The following GAB2 variants were observed in gnomAD, a reference collection of about 807,000 sequenced individuals.
GAB2 encodes the protein GRB2-associated-binding protein 2.
In GAB2, 26 loss-of-function variants were observed where a neutral mutation model predicts 65.5. That is an observed-to-expected ratio of 0.40 (90% CI 0.29 to 0.55). The LOEUF (loss-of-function observed/expected upper bound fraction) is 0.55, where lower values mean the gene tolerates loss of function less well. GAB2 is among the 20% of genes least tolerant of loss of function. GAB2 has a pLI of 0.53. For synonymous variants in GAB2, 321 were observed against 329.6 expected (o/e 0.97, Z 0.28); for missense variants, 884 against 875.8 (o/e 1.01, Z -0.12).
chr11:78,245,295 A>T (rs968793044), intron 3 of GAB2, among the ~76,000 whole-genome samples: 1 of 151,814 alleles, frequency 6.6e-6, no homozygotes, highest in South Asian at 2.1e-4. Flanking sequence ...TGATATATTT[A>T]TGCTATGTAT....
At position 78,370,715 on chromosome 11, in the gene GAB2, G is replaced by GTGTGTA. The variant is rs1435627339; in HGVS notation, c.75+46930_75+46931insTACACA. The stretch of plus-strand genomic sequence containing the variant: ...ACTAATATTGTATGTGTGTGTGCGT[G>GTGTGTA]TGTGTGTGTATGTGTGTGTGTGTGT... On this transcript the variant is annotated intron_variant, in intron 1 of 9. Transcript: ENST00000361507. Among the ~76,000 whole-genome samples, 175 of 135,474 alleles carry GTGTGTA rather than the reference G, an allele frequency of 1.3e-3. 1 individual carries two copies. The highest frequency in any genetic ancestry group is 6.1e-3 in the African/African-American group (165 of 27,198). The allele number at this position is 135,474 out of a possible 152,430, so 88.9% of individuals were successfully genotyped here. A position where few individuals can be genotyped will look rare whatever the true frequency, so the allele number is the denominator to read the frequency against.
intron 1 of GAB2, among the ~76,000 whole-genome samples, chr11:78,324,106 ATTTTTT>A (rs879847429): frequency 1.4e-5 from 2 of 146,834 alleles, no homozygotes; most frequent in Non-Finnish European, 3.0e-5. Flanking sequence ...CTCCCTCTGA[ATTTTTT>A]TTTTTTAAAG....
intron 1 of GAB2, among the ~76,000 whole-genome samples, chr11:78,288,321 G>C: frequency 6.8e-6 from 1 of 146,580 alleles, no homozygotes; most frequent in Admixed American, 6.9e-5. Context: ...AGAGGTTTCA[G>C]TGAGCTGAGA....
chr11:78,390,208 A>C (rs73502939), intron 1 of GAB2, among the ~76,000 whole-genome samples: 4,193 of 152,368 alleles, frequency 0.028, 163 homozygotes, highest in African/African-American at 0.089. Context: ...AAAGGGTTTG[A>C]AATAAATGAA....
intron 1 of GAB2, among the ~76,000 whole-genome samples, chr11:78,326,572 A>C (rs1181625241): frequency 1.3e-5 from 2 of 152,188 alleles, no homozygotes; most frequent in Admixed American, 6.5e-5. Flanking sequence ...TTGTTACTTC[A>C]AATTATTTCT....
intron 1 of GAB2, among the ~76,000 whole-genome samples, chr11:78,398,041 C>CACAT (rs57095813): frequency 2.6e-5 from 4 of 151,404 alleles, no homozygotes; most frequent in African/African-American, 4.9e-5. Context: ...CACACACACA[C>CACAT]ATCCCTGGCC....
intron 1 of GAB2, among the ~76,000 whole-genome samples, chr11:78,355,830 G>A (rs968588631): frequency 3.3e-5 from 5 of 151,902 alleles, no homozygotes; most frequent in African/African-American, 1.2e-4. Flanking sequence ...CTCCTTATAG[G>A]ACCCTGGCTG....
At chr11:78,348,005 A>C (rs1458508868) in intron 1 of GAB2, among the ~76,000 whole-genome samples, 1 of 152,214 alleles carries the variant, frequency 6.6e-6, no homozygotes, top group African/African-American at 2.4e-5. Context: ...TTTACAGTAA[A>C]GATAGAGAAA....
intron 3 of GAB2, among the ~76,000 whole-genome samples, chr11:78,238,018 T>C (rs56723424): frequency 5.7e-4 from 87 of 152,124 alleles, no homozygotes; most frequent in African/African-American, 2.0e-3. Flanking sequence ...ATAATACACA[T>C]TGTGACCTGT....
At chr11:78,277,137 A>G (rs942155935) in intron 2 of GAB2, among the ~76,000 whole-genome samples, 2 of 152,204 alleles carry the variant, frequency 1.3e-5, no homozygotes, top group South Asian at 2.1e-4. Context: ...ATTAAGAAAG[A>G]TATCTCCACT....
chr11:78,258,091 C>G (rs544391618), intron 2 of GAB2, among the ~76,000 whole-genome samples: 3 of 152,170 alleles, frequency 2.0e-5, no homozygotes, highest in Non-Finnish European at 2.9e-5. Flanking sequence ...TCTTCCCAAG[C>G]CTCACTGTCT....
At chr11:78,377,294 T>A (rs1429366932) in intron 1 of GAB2, among the ~76,000 whole-genome samples, 2 of 152,206 alleles carry the variant, frequency 1.3e-5, no homozygotes, top group Admixed American at 1.3e-4. Flanking sequence ...TGACGGCCCT[T>A]TTCCAGCTTT....
chr11:78,346,567 T>A (rs1856181896), intron 1 of GAB2, among the ~76,000 whole-genome samples: 1 of 134,668 alleles, frequency 7.4e-6, no homozygotes, highest in African/African-American at 3.1e-5. Context: ...ACCTACATCA[T>A]GCTGCCTGAG....
At chr11:78,385,314 T>C (rs573813876) in intron 1 of GAB2, among the ~76,000 whole-genome samples, 1 of 152,340 alleles carries the variant, frequency 6.6e-6, no homozygotes, top group South Asian at 2.1e-4. Context: ...ATGTCAGGAC[T>C]GTGGGAAAAT....
intron 1 of GAB2, among the ~76,000 whole-genome samples, chr11:78,360,037 C>T (rs1444764020): frequency 6.6e-6 from 1 of 152,044 alleles, no homozygotes; most frequent in Non-Finnish European, 1.5e-5. Context: ...GACAGAGGGA[C>T]AGAAGAGAGA....
Position 78,226,837 on chromosome 11 carries a change from T to C in GAB2, c.835A>G (p.Lys279Glu). Residue 279 changes from lysine (K) to glutamate (E), a missense_variant, in exon 4 of 10, where the codon AAG becomes GAG. Coordinates refer to ENST00000361507, the MANE Select transcript of GAB2 (RefSeq NM_080491.3). ...GTCTCGGAGCCTGTGAGGCTGCCCT[T>C]GGTGTGGCCATGGGAGGCCAGGCTG... ...PRSLASHGHT[K>E]GSLTGSETDN... 2 of 1,613,968 alleles carry C rather than the reference T, an allele frequency of 1.2e-6. No homozygotes were observed.
intron 3 of GAB2, among the ~76,000 whole-genome samples, chr11:78,242,122 CAAGAG>C (rs1287750327): frequency 1.3e-5 from 2 of 151,788 alleles, no homozygotes; most frequent in African/African-American, 4.8e-5. Flanking sequence ...AAATCAGTAA[CAAGAG>C]GAAATTTCAA....
chr11:78,403,489 A>G (rs1309863990), intron 1 of GAB2, among the ~76,000 whole-genome samples: 2 of 152,238 alleles, frequency 1.3e-5, no homozygotes, highest in Non-Finnish European at 2.9e-5. Flanking sequence ...CACTGGAAAA[A>G]GTGCAGTTTC....
intron 1 of GAB2, chr11:78,318,246 T>A (rs1318406270): frequency 1.3e-5 from 2 of 151,196 alleles, no homozygotes; most frequent in African/African-American, 4.9e-5. Context: ...AGAAGGGCTA[T>A]CAGGAGGAGG....
Sources: gnomAD v4.1 joint callset for allele counts (sites outside exome capture counted in the v4.1 genomes callset) on GRCh38, gnomAD v4.1.1 for gene constraint, MANE v1.5 for transcripts, NCBI Gene and HGNC (gene_info 2026-07-23, HGNC 2026-07-21) for gene names.